PDE7B: variants seen among roughly 807,000 people sequenced by gnomAD.
The protein encoded by PDE7B is phosphodiesterase 7B.
In PDE7B, 29 loss-of-function variants were observed where a neutral mutation model predicts 56.2. The ratio of observed to expected loss-of-function variants is 0.52; its 90% CI spans 0.38 to 0.70. PDE7B has a LOEUF of 0.70. Ranked by LOEUF, PDE7B falls within the 30% of genes least tolerant of loss-of-function variation. PDE7B has a pLI of 0.00. For missense variants in PDE7B, 490 were observed against 565.0 expected, an observed-to-expected ratio of 0.87 and a Z score of 1.35; for synonymous variants, 197 against 196.9, an observed-to-expected ratio of 1.00 and a Z score of 0.00.
At chr6:136,024,689 T>A (rs1342066149) in intron 2 of PDE7B, among the ~76,000 whole-genome samples, 1 of 152,204 alleles carries the variant, frequency 6.6e-6, no homozygotes, top group East Asian at 1.9e-4. Context: ...TTGCATTTCA[T>A]CCTCTCAGTT....
chr6:136,104,762 C>T (rs994668994), intron 2 of PDE7B, among the ~76,000 whole-genome samples: 1 of 152,164 alleles, frequency 6.6e-6, no homozygotes, highest in East Asian at 1.9e-4. Flanking sequence ...TACAATTGTC[C>T]TGCCTCCTGC....
intron 2 of PDE7B, among the ~76,000 whole-genome samples, chr6:135,952,011 T>A (rs1159165556): frequency 1.3e-5 from 2 of 152,118 alleles, no homozygotes; most frequent in African/African-American, 4.8e-5. Flanking sequence ...TCTGAAAAAA[T>A]TAACTGTGTA....
intron 1 of PDE7B, among the ~76,000 whole-genome samples, chr6:135,922,508 C>T (rs1431784526): frequency 1.3e-5 from 2 of 152,266 alleles, no homozygotes; most frequent in African/African-American, 4.8e-5. Context: ...CCCTTTACTG[C>T]CCCACTATAC....
intron 2 of PDE7B, among the ~76,000 whole-genome samples, chr6:136,027,570 T>G (rs1034414878): frequency 3.9e-5 from 6 of 152,182 alleles, no homozygotes; most frequent in Non-Finnish European, 7.3e-5. Flanking sequence ...CTGTTTTAGT[T>G]GTCAAGACAT....
At chr6:135,916,603 G>T (rs1433615652) in intron 1 of PDE7B, among the ~76,000 whole-genome samples, 1 of 151,614 alleles carries the variant, frequency 6.6e-6, no homozygotes, top group Non-Finnish European at 1.5e-5. Context: ...ATGTTGGCCA[G>T]GATGGTCTCG....
chr6:135,906,051 G>A (rs1776095683), intron 1 of PDE7B, among the ~76,000 whole-genome samples: 2 of 152,124 alleles, frequency 1.3e-5, no homozygotes, highest in South Asian at 4.1e-4. Flanking sequence ...TGTTTCAAAA[G>A]TACAACCTTC....
intron 2 of PDE7B, among the ~76,000 whole-genome samples, chr6:135,995,772 T>A (rs896941435): frequency 6.6e-6 from 1 of 152,150 alleles, no homozygotes; most frequent in Non-Finnish European, 1.5e-5. Flanking sequence ...ACAAGACAAT[T>A]TGAGTGAATT....
chr6:135,866,134 A>G (rs1489284477), intron 1 of PDE7B, among the ~76,000 whole-genome samples: 1 of 152,152 alleles, frequency 6.6e-6, no homozygotes, highest in Non-Finnish European at 1.5e-5. Flanking sequence ...AACTGTTCAG[A>G]AGGGCATAAA....
chr6:136,190,366 G>T (rs146607448), intron 12 of PDE7B, among the ~76,000 whole-genome samples: 100 of 152,266 alleles, frequency 6.6e-4, no homozygotes, highest in African/African-American at 2.2e-3. Flanking sequence ...ATGCAGAAAT[G>T]TACAATAACA....
At chr6:135,919,227 T>C (rs1053088982) in intron 1 of PDE7B, among the ~76,000 whole-genome samples, 5 of 152,174 alleles carry the variant, frequency 3.3e-5, no homozygotes, top group African/African-American at 1.2e-4. Flanking sequence ...GCCTCCTTTT[T>C]TGAAAGTTTT....
At chr6:135,877,358 CT>C (rs11302793) in intron 1 of PDE7B, among the ~76,000 whole-genome samples, 62,276 of 126,502 alleles carry the variant, frequency 0.49, 14,758 homozygotes, top group East Asian at 0.54. Context: ...TTACACATTC[CT>C]TTTTTTTTTT....
intron 1 of PDE7B, among the ~76,000 whole-genome samples, chr6:135,906,428 T>C (rs1023365282): frequency 1.3e-5 from 2 of 152,168 alleles, no homozygotes; most frequent in East Asian, 3.9e-4. Context: ...TATTTAGCTA[T>C]TATCCCATCA....
chr6:136,034,865 C>G (rs1776300008), intron 2 of PDE7B: 1 of 152,522 alleles, frequency 6.6e-6, no homozygotes, highest in African/African-American at 2.4e-5. Context: ...ACCCCAGCTC[C>G]TCAAAGTAAC....
At chr6:136,160,315 C>A (rs974860026) in intron 8 of PDE7B, among the ~76,000 whole-genome samples, 3 of 152,180 alleles carry the variant, frequency 2.0e-5, no homozygotes, top group Non-Finnish European at 4.4e-5. Flanking sequence ...GGTATCCTCT[C>A]ACCACATGTT....
intron 1 of PDE7B, among the ~76,000 whole-genome samples, chr6:135,942,879 A>G (rs1019814130): frequency 1.3e-5 from 2 of 151,996 alleles, no homozygotes; most frequent in African/African-American, 4.8e-5. Flanking sequence ...GTGTGTATCT[A>G]TATCACATTT....
intron 2 of PDE7B, among the ~76,000 whole-genome samples, chr6:136,082,817 T>C (rs1389083604): frequency 1.3e-5 from 2 of 152,136 alleles, no homozygotes; most frequent in Admixed American, 1.3e-4. Context: ...GATACAAATT[T>C]CAAATTTAAA....
rs1377947395 is a variant in PDE7B at position 135,966,114 on chromosome 6, C to G, written c.82+18590C>G. Reference sequence around the variant, plus strand: ...GATAAGTAATATGGTAATTAATGTTCATCTAACATAGAAAGTTCAACTAGA... The same window carrying G: ...GATAAGTAATATGGTAATTAATGTTGATCTAACATAGAAAGTTCAACTAGA... On this transcript the variant is annotated intron_variant, in intron 2 of 12. Transcript: ENST00000308191. Among the ~76,000 whole-genome samples, 5 of 152,200 alleles carry G rather than the reference C, an allele frequency of 3.3e-5. No homozygotes were observed. In the East Asian group the frequency reaches 7.7e-4, roughly 24 times the overall value.
intron 1 of PDE7B, among the ~76,000 whole-genome samples, chr6:135,857,531 T>G (rs1775059062): frequency 1.3e-5 from 2 of 152,108 alleles, no homozygotes; most frequent in African/African-American, 4.8e-5. Context: ...GGCATAGACA[T>G]GGAGAGGCTA....
intron 3 of PDE7B, among the ~76,000 whole-genome samples, chr6:136,126,613 C>T (rs985812516): frequency 3.9e-5 from 6 of 152,056 alleles, no homozygotes; most frequent in Non-Finnish European, 7.4e-5. Flanking sequence ...GATGGAATAC[C>T]ACTCAGCCAT....
Sources: gnomAD v4.1 joint callset for allele counts (sites outside exome capture counted in the v4.1 genomes callset) on GRCh38, gnomAD v4.1.1 for gene constraint, MANE v1.5 for transcripts, NCBI Gene and HGNC (gene_info 2026-07-23, HGNC 2026-07-21) for gene names.